The following TAS2R1 variants were observed in gnomAD, a reference collection of about 807,000 sequenced individuals.
TAS2R1 encodes the protein taste receptor type 2 member 1.
For missense variants in TAS2R1, 370 were observed against 353.4 expected, an observed-to-expected ratio of 1.05 and a Z score of -0.38; for synonymous variants, 141 against 134.2, an observed-to-expected ratio of 1.05 and a Z score of -0.35.
Position 9,681,531 on chromosome 5 carries a change from C to CAAAAAAAAAAAAAAAAAAA in TAS2R1, c.-241-21969_-241-21951dup, listed in dbSNP as rs10681888. Reference sequence around the variant, plus strand: ...TTTCAGGGGACTTCTCATGTTTCTGCAAAAAAAAAAAAAAAAAAAGATGCC... The same window carrying CAAAAAAAAAAAAAAAAAAA: ...TTTCAGGGGACTTCTCATGTTTCTGCAAAAAAAAAAAAAAAAAAAAAAAAAAAAAAAAAAAAAAGATGCC... On this transcript the variant is annotated intron_variant, in intron 1 of 2. Coordinates refer to the TAS2R1 transcript ENST00000506620. 4.1e-4 allele frequency among the ~76,000 whole-genome samples: 36 copies of CAAAAAAAAAAAAAAAAAAA among 87,878 alleles called. 1 individual carries two copies. The highest frequency in any genetic ancestry group is 1.2e-3 in the East Asian group (3 of 2,552). The allele number at this position is 87,878 out of a possible 152,430, so 57.7% of individuals were successfully genotyped here.
At chr5:9,688,224 A>G (rs1741166075) in intron 1 of TAS2R1, among the ~76,000 whole-genome samples, 1 of 152,192 alleles carries the variant, frequency 6.6e-6, no homozygotes, top group Admixed American at 6.5e-5. Context: ...AGTATATTTC[A>G]TCATCTCAGA....
At chr5:9,850,064 C>G in the TAS2R1 span, among the ~76,000 whole-genome samples, 2 of 152,234 alleles carry the variant, frequency 1.3e-5, no homozygotes, top group African/African-American at 4.8e-5. Flanking sequence ...AGTCCCTCAA[C>G]TATGCATGGT....
chr5:9,697,178 TAA>T (rs796368319), intron 1 of TAS2R1, among the ~76,000 whole-genome samples: 1 of 150,232 alleles, frequency 6.7e-6, no homozygotes, highest in Non-Finnish European at 1.5e-5. Flanking sequence ...CTTTTTTGTT[TAA>T]AAAAAAAGAC....
the TAS2R1 span, among the ~76,000 whole-genome samples, chr5:9,806,349 A>T: frequency 1.2e-4 from 19 of 152,236 alleles, no homozygotes; most frequent in South Asian, 3.9e-3. Flanking sequence ...ATTCAATGCA[A>T]TTTCCATCAA....
chr5:9,744,084 C>T, the TAS2R1 span, among the ~76,000 whole-genome samples: 1 of 152,196 alleles, frequency 6.6e-6, no homozygotes, highest in African/African-American at 2.4e-5. Flanking sequence ...GTTGCCTATA[C>T]TCTCCCTGAC....
the TAS2R1 span, among the ~76,000 whole-genome samples, chr5:9,852,850 A>ATAT: frequency 2.9e-3 from 409 of 139,806 alleles, 3 homozygotes; most frequent in African/African-American, 0.011. Context: ...AGGAAAAAAA[A>ATAT]AAATATATAT....
intron 1 of TAS2R1, among the ~76,000 whole-genome samples, chr5:9,669,948 AG>A (rs1366074528): frequency 6.6e-6 from 1 of 152,150 alleles, no homozygotes; most frequent in African/African-American, 2.4e-5. Context: ...AACATATAAA[AG>A]ATCAAAGAAT....
intron 1 of TAS2R1, among the ~76,000 whole-genome samples, chr5:9,708,362 C>T (rs1741664915): frequency 6.6e-6 from 1 of 152,188 alleles, no homozygotes; most frequent in African/African-American, 2.4e-5. Context: ...ATCTCTCCTA[C>T]ATGGTTTTCT....
the TAS2R1 span, among the ~76,000 whole-genome samples, chr5:9,846,854 TA>T: frequency 6.6e-6 from 1 of 152,242 alleles, no homozygotes. Flanking sequence ...TAACCCTTTT[TA>T]TGCTTCCAAC....
the TAS2R1 span, among the ~76,000 whole-genome samples, chr5:9,874,029 A>G: frequency 1.3e-4 from 20 of 151,942 alleles, no homozygotes; most frequent in East Asian, 3.1e-3. Context: ...GGAGGGAGGA[A>G]GAGAAAGAAA....
intron 2 of TAS2R1, among the ~76,000 whole-genome samples, chr5:9,649,326 T>C (rs560508900): frequency 2.0e-5 from 3 of 152,320 alleles, no homozygotes; most frequent in African/African-American, 7.2e-5. Flanking sequence ...TATCTGCCAC[T>C]ATTTCTTTTG....
the TAS2R1 span, among the ~76,000 whole-genome samples, chr5:9,898,059 C>G: frequency 6.6e-6 from 1 of 152,172 alleles, no homozygotes; most frequent in Non-Finnish European, 1.5e-5. Context: ...CCCAACGCAT[C>G]CTTGTGTTCC....
chr5:9,654,194 C>T (rs1740364084), intron 2 of TAS2R1, among the ~76,000 whole-genome samples: 1 of 152,128 alleles, frequency 6.6e-6, no homozygotes, highest in Non-Finnish European at 1.5e-5. Context: ...GACTTATAAA[C>T]TCTAGCTAGG....
At chr5:9,756,236 T>G in the TAS2R1 span, among the ~76,000 whole-genome samples, 1 of 152,196 alleles carries the variant, frequency 6.6e-6, no homozygotes, top group East Asian at 1.9e-4. Flanking sequence ...GCCTGTACCT[T>G]ACGCGAGAGC....
Position 9,630,066 on chromosome 5 carries a change from A to C in TAS2R1, c.-34T>G, listed in dbSNP as rs1739843691. The C allele has an allele frequency of 2.7e-6, 4 of 1,497,212 alleles. No individual in the cohort carries two copies. The highest frequency in any genetic ancestry group is 3.6e-6 in the Non-Finnish European group (4 of 1,125,544). 92.7% of individuals were successfully genotyped at this position (1,497,212 alleles called of 1,614,324 possible). ...TAAAAAATTATTTACTTAAAAAATA[A>C]TGAAGTTATAAAGTTTTGGACAGGT... On this transcript the variant is annotated 5_prime_UTR_variant, in exon 1 of 1. Transcript: ENST00000382492.
the TAS2R1 span, among the ~76,000 whole-genome samples, chr5:9,720,585 C>T: frequency 1.7e-4 from 26 of 152,090 alleles, no homozygotes; most frequent in South Asian, 4.1e-4. Flanking sequence ...AAGAGTCTGA[C>T]GAGAAAGAGA....
intron 1 of TAS2R1, among the ~76,000 whole-genome samples, chr5:9,661,828 T>A: frequency 6.6e-6 from 1 of 152,196 alleles, no homozygotes; most frequent in Admixed American, 6.5e-5. Flanking sequence ...TGTGCACCAA[T>A]CAGGATAAGC....
chr5:9,824,825 C>T, the TAS2R1 span, among the ~76,000 whole-genome samples: 1 of 111,858 alleles, frequency 8.9e-6, no homozygotes, highest in Non-Finnish European at 1.7e-5. Context: ...CCAACCTGGG[C>T]AACAAGAGTG....
chr5:9,884,141 A>G, the TAS2R1 span: 1 of 152,136 alleles, frequency 6.6e-6, no homozygotes, highest in Non-Finnish European at 1.5e-5. Flanking sequence ...TAATCCCTTC[A>G]TGACAGTGGA....
Sources: gnomAD v4.1 joint callset for allele counts (sites outside exome capture counted in the v4.1 genomes callset) on GRCh38, gnomAD v4.1.1 for gene constraint, MANE v1.5 for transcripts, NCBI Gene and HGNC (gene_info 2026-07-23, HGNC 2026-07-21) for gene names.